REXO1: variants seen among roughly 807,000 people sequenced by gnomAD.
The protein encoded by REXO1 is RNA exonuclease 1 homolog.
REXO1 carries 42 observed loss-of-function variants against 102.6 expected under a neutral mutation model. The observed-to-expected ratio is 0.41, with a 90% confidence interval of 0.32 to 0.53. REXO1 has a LOEUF of 0.53. REXO1 is among the 20% of genes least tolerant of loss of function. The probability of loss-of-function intolerance (pLI) is 0.27; values close to 1 mark genes in which losing one functional copy is unlikely to be tolerated. For synonymous variants in REXO1, 908 were observed against 779.1 expected, an observed-to-expected ratio of 1.17 and a Z score of -2.76; for missense variants, 1,819 against 1,732.5, an observed-to-expected ratio of 1.05 and a Z score of -0.89.
intron 13 of REXO1, 63 bp from the exon 14 acceptor site, chr19:1,816,632 G>T: frequency 6.3e-7 from 1 of 1,583,172 alleles, no homozygotes; most frequent in Non-Finnish European, 8.7e-7. Context: ...GTGGGGCGGG[G>T]GAGGGTGGGT....
Position 1,827,342 on chromosome 19 carries a change from T to A in REXO1, c.1447A>T (p.Lys483Ter), listed in dbSNP as rs953016174. ...TTCCCCGACGGGGCCTTGGTGCTCT[T>A]CCTGTCGGGCAGCTGGAGGGGGCGG... The part of the protein sequence containing the change: ...PPRPLQLPDR[K>*]STKAPSGKLV... Residue 483 changes from lysine (K) to a stop codon, truncating the protein, a stop_gained, in exon 2 of 16, where the codon AAG becomes TAG. Transcript: ENST00000170168. LOFTEE classifies it high-confidence loss of function. The A allele has an allele frequency of 6.4e-7, 1 of 1,551,642 alleles. No individual in the cohort carries two copies. Among genetic ancestry groups the A allele is most frequent in the Non-Finnish European group, 8.7e-7 (1 of 1,153,058 alleles).
chr19:1,820,212 C>G (rs910300590), intron 6 of REXO1, 52 bp downstream of exon 6: 5 of 1,585,598 alleles, frequency 3.2e-6, no homozygotes, highest in Non-Finnish European at 4.3e-6. Context: ...GGGGACCACC[C>G]TGGACCCCTA....
chr19:1,828,622 T>C lies in REXO1; in HGVS notation c.167A>G (p.Tyr56Cys), dbSNP rs2069818471. 1 of 1,599,214 alleles carries C rather than the reference T, an allele frequency of 6.3e-7. No homozygotes were observed. The highest frequency in any genetic ancestry group is 1.3e-5 in the African/African-American group (1 of 74,866). The stretch of plus-strand genomic sequence containing the variant: ...GGGCAGCTCAGGGTTGTAGGGGTCG[T>C]AACCCAGCCCTGAAGGGAACAGAGA... ...GEAPPAAGLGYDPYNPELPKP... is the reference protein window; with the variant it reads ...GEAPPAAGLGCDPYNPELPKP... Residue 56 changes from tyrosine to cysteine, a missense_variant, in exon 2 of 16, where the codon TAC (tyrosine) becomes TGC (cysteine). Transcript: ENST00000170168.
Position 1,819,027 on chromosome 19 carries a change from C to T in REXO1, c.2755G>A (p.Asp919Asn), listed in dbSNP as rs2069454051. 1.9e-6 allele frequency: 3 copies of T among 1,600,348 alleles called. No individual in the cohort carries two copies. Among genetic ancestry groups the T allele is most frequent in the South Asian group, 2.2e-5 (2 of 89,630 alleles). Residue 919 changes from aspartate (D) to asparagine (N), a missense_variant, in exon 8 of 16, where the codon GAC becomes AAC. Physicochemically the swap from Asp to Asn is conservative, Grantham distance 23. Transcript: ENST00000170168. The stretch of plus-strand genomic sequence containing the variant: ...AGGGGCAGGGCCTTACCTTTCAGGT[C>T]CTCCACCCGGGGGCTGCTTGGACGG... ...LSRPSSPRVE[D>N]LKGAALYSRL... is the part of the protein sequence containing the mutation.
intron 1 of REXO1, among the ~76,000 whole-genome samples, chr19:1,841,689 G>T (rs1410692287): frequency 1.3e-5 from 2 of 152,210 alleles, no homozygotes; most frequent in Admixed American, 6.5e-5. Flanking sequence ...AGTCCCTGGA[G>T]GAGACGGTAA....
chr19:1,819,612 C>T (rs1385788381), intron 7 of REXO1, among the ~76,000 whole-genome samples: 1 of 152,228 alleles, frequency 6.6e-6, no homozygotes, highest in Admixed American at 6.5e-5. Flanking sequence ...CTCCCCAGAG[C>T]TTAATGCATG....
chr19:1,834,273 C>G lies in REXO1; in HGVS notation c.158-5642G>C, dbSNP rs935922556. On this transcript the variant is annotated intron_variant, in intron 1 of 15. Coordinates refer to ENST00000170168, the MANE Select transcript of REXO1 (RefSeq NM_020695.4). Reference sequence around the variant, plus strand: ...TGGACTCTGAAAGGAGAGACCATTTCCCCAAAAGGTGCTTTTGGAAGGTCT... The same window carrying G: ...TGGACTCTGAAAGGAGAGACCATTTGCCCAAAAGGTGCTTTTGGAAGGTCT... Among the ~76,000 whole-genome samples, 5 of 152,144 alleles carry G rather than the reference C, an allele frequency of 3.3e-5. No homozygotes were observed. In the East Asian group the frequency reaches 9.6e-4, roughly 29 times the overall value.
intron 1 of REXO1, among the ~76,000 whole-genome samples, chr19:1,847,376 GA>G (rs1429492138): frequency 6.6e-6 from 1 of 152,210 alleles, no homozygotes; most frequent in Non-Finnish European, 1.5e-5. Flanking sequence ...GCCCAATGAG[GA>G]AATCTGGGAC....
rs772410760 is a variant in REXO1, at chr19:1,826,870, C to T, written c.1911+8G>A. 145 of 1,567,732 alleles carry T rather than the reference C, an allele frequency of 9.2e-5. No individual in the cohort carries two copies. The highest frequency in any genetic ancestry group is 1.2e-4 in the Non-Finnish European group (138 of 1,157,750). ...CCCGAGCCCAGCCCCAGCACCCGCGCGCCTCACCTGCCGGGCCAGCCGGCC... is the reference window on the plus strand; with the variant it reads ...CCCGAGCCCAGCCCCAGCACCCGCGTGCCTCACCTGCCGGGCCAGCCGGCC... On this transcript the variant is annotated splice_region_variant and intron_variant, in intron 2 of 15. Coordinates refer to ENST00000170168, the MANE Select transcript of REXO1 (RefSeq NM_020695.4). The surrounding 1 kb of genome is among the most constrained non-coding windows in gnomAD (Gnocchi z 4.3).
chr19:1,837,233 G>A (rs563961503), intron 1 of REXO1, among the ~76,000 whole-genome samples: 1 of 152,210 alleles, frequency 6.6e-6, no homozygotes, highest in Non-Finnish European at 1.5e-5. Flanking sequence ...GCGGACGGCA[G>A]AGTAACCATA....
intron 1 of REXO1, among the ~76,000 whole-genome samples, chr19:1,844,061 G>A (rs2011423958): frequency 6.6e-6 from 1 of 152,232 alleles, no homozygotes; most frequent in Non-Finnish European, 1.5e-5. Context: ...GGTATGGGAG[G>A]CTGTCACCGA....
intron 1 of REXO1, among the ~76,000 whole-genome samples, chr19:1,831,609 G>A (rs1375402437): frequency 2.0e-5 from 3 of 151,920 alleles, no homozygotes; most frequent in Non-Finnish European, 4.4e-5. Context: ...TTGGGAGGCT[G>A]AGGCGGGCGG....
chr19:1,848,164 G>T, intron 1 of REXO1, 38 bp downstream of exon 1: 1 of 1,089,258 alleles, frequency 9.2e-7, no homozygotes, highest in Admixed American at 4.3e-5. Context: ...CCCGGGCAGG[G>T]GAGCCGAGCC....
chr19:1,834,597 G>A (rs2069989431), intron 1 of REXO1, among the ~76,000 whole-genome samples: 1 of 151,958 alleles, frequency 6.6e-6, no homozygotes, highest in South Asian at 2.1e-4. Flanking sequence ...TCTTTTTTTG[G>A]TAGAGACGGG....
chr19:1,825,815 T>A, intron 3 of REXO1, 24 bp downstream of exon 3: 1 of 1,360,782 alleles, frequency 7.3e-7, no homozygotes, highest in Non-Finnish European at 1.0e-6. Flanking sequence ...AGGCTCCTGC[T>A]GGCCTGGCCT....
intron 8 of REXO1, 52 bp from the exon 9 acceptor site, chr19:1,818,895 T>C (rs754283150): frequency 9.4e-6 from 15 of 1,595,166 alleles, no homozygotes; most frequent in African/African-American, 1.3e-5. Context: ...CACGGGGCGG[T>C]AGACACCACC....
chr19:1,847,981 T>C (rs924323168), intron 1 of REXO1, among the ~76,000 whole-genome samples: 2 of 152,180 alleles, frequency 1.3e-5, no homozygotes, highest in Non-Finnish European at 2.9e-5. Context: ...CGCGTCCTCC[T>C]AGTTGACATT....
chr19:1,835,072 G>A (rs893097354), intron 1 of REXO1: 8 of 273,046 alleles, frequency 2.9e-5, no homozygotes, highest in South Asian at 1.6e-4. Flanking sequence ...GGGGTACGGC[G>A]TGCTGAGCCC....
At chr19:1,844,653 ACGC>A (rs1449865803) in intron 1 of REXO1, among the ~76,000 whole-genome samples, 1 of 152,108 alleles carries the variant, frequency 6.6e-6, no homozygotes, top group Non-Finnish European at 1.5e-5. Context: ...CCCAGCTGGG[ACGC>A]CGCCAACAGC....
Sources: gnomAD v4.1 joint callset for allele counts (sites outside exome capture counted in the v4.1 genomes callset) on GRCh38, gnomAD v4.1.1 for gene constraint, Gnocchi (gnomAD v3.1) non-coding constraint, MANE v1.5 for transcripts, NCBI Gene and HGNC (gene_info 2026-07-23, HGNC 2026-07-21) for gene names.